The following RIMS1 variants were observed in gnomAD, a reference collection of about 807,000 sequenced individuals.
The protein encoded by RIMS1 is regulating synaptic membrane exocytosis 1, also known as regulating synaptic membrane exocytosis protein 1.
Under a neutral mutation model 214.1 loss-of-function variants are expected in RIMS1, and 83 were observed. The observed-to-expected ratio is 0.39, with a 90% CI of 0.32 to 0.47. The LOEUF (loss-of-function observed/expected upper bound fraction) is 0.47, where lower values mean the gene tolerates loss of function less well. Ranked by LOEUF, RIMS1 falls within the 20% of genes least tolerant of loss-of-function variation. The pLI is 0.99. For synonymous variants in RIMS1, 793 were observed against 786.8 expected (o/e 1.01, Z -0.13); for missense variants, 2,050 against 2,161.8 (o/e 0.95, Z 1.03).
chr6:71,964,517 A>T (rs1793887647), intron 1 of RIMS1, among the ~76,000 whole-genome samples: 1 of 152,216 alleles, frequency 6.6e-6, no homozygotes, highest in East Asian at 1.9e-4. Flanking sequence ...GGGGCTGATA[A>T]GTGGTCAAAT....
intron 2 of RIMS1, among the ~76,000 whole-genome samples, chr6:72,071,950 G>A (rs2152305829): frequency 6.6e-6 from 1 of 152,290 alleles, no homozygotes; most frequent in East Asian, 1.9e-4. Context: ...AAAAGGGTTA[G>A]GTTTATTCTG....
intron 1 of RIMS1, among the ~76,000 whole-genome samples, chr6:71,962,507 C>T (rs1793246247): frequency 6.6e-6 from 1 of 152,146 alleles, no homozygotes; most frequent in Non-Finnish European, 1.5e-5. Flanking sequence ...GGTGGTGTAA[C>T]AGGACCTGAT....
chr6:72,034,617 A>G (rs377084593), intron 2 of RIMS1, among the ~76,000 whole-genome samples: 5 of 152,004 alleles, frequency 3.3e-5, no homozygotes, highest in East Asian at 1.9e-4. Context: ...GCTATTATCA[A>G]GCAGATAGAA....
At chr6:72,264,685 A>T (rs566359138) in intron 19 of RIMS1, among the ~76,000 whole-genome samples, 9 of 152,310 alleles carry the variant, frequency 5.9e-5, no homozygotes, top group African/African-American at 2.2e-4. Flanking sequence ...ATTAAGTAGC[A>T]CATTTACATA....
intron 3 of RIMS1, 33 bp from the exon 4 acceptor site, chr6:72,099,942 C>T: frequency 1.3e-6 from 2 of 1,589,050 alleles, no homozygotes; most frequent in Non-Finnish European, 1.7e-6. Context: ...TGTCTTCTTT[C>T]TCTACTCTGC....
chr6:72,354,382 A>AT (rs975386590), intron 29 of RIMS1, among the ~76,000 whole-genome samples: 10 of 151,944 alleles, frequency 6.6e-5, no homozygotes, highest in African/African-American at 2.2e-4. Flanking sequence ...ACTAAGCCCA[A>AT]TTTTTTTTAA....
intron 3 of RIMS1, among the ~76,000 whole-genome samples, chr6:72,098,496 T>C (rs907460884): frequency 7.2e-5 from 11 of 152,158 alleles, no homozygotes; most frequent in East Asian, 5.8e-4. Flanking sequence ...GGTTTCACCA[T>C]GTTGACCAGG....
chr6:72,301,646 G>A (rs928901523), intron 26 of RIMS1, among the ~76,000 whole-genome samples: 9 of 151,478 alleles, frequency 5.9e-5, no homozygotes, highest in African/African-American at 1.7e-4. Context: ...GATAGATTTA[G>A]AAAAATGCAT....
At chr6:72,278,699 T>C (rs913645212) in intron 23 of RIMS1, among the ~76,000 whole-genome samples, 1 of 152,106 alleles carries the variant, frequency 6.6e-6, no homozygotes, top group Non-Finnish European at 1.5e-5. Context: ...TGAACTAAAA[T>C]ATGGTGAGTC....
intron 4 of RIMS1, among the ~76,000 whole-genome samples, chr6:72,152,003 C>T (rs1367102984): frequency 2.0e-5 from 3 of 152,088 alleles, no homozygotes; most frequent in African/African-American, 7.2e-5. Flanking sequence ...TAAGAGAGCT[C>T]TCCCATGAAC....
intron 29 of RIMS1, among the ~76,000 whole-genome samples, chr6:72,363,019 A>T (rs947246061): frequency 1.3e-5 from 2 of 152,176 alleles, no homozygotes; most frequent in Non-Finnish European, 2.9e-5. Flanking sequence ...CAGAAACAGG[A>T]TGGTCATCTC....
chr6:72,246,898 A>G (rs1212190654), intron 11 of RIMS1, among the ~76,000 whole-genome samples: 1 of 152,240 alleles, frequency 6.6e-6, no homozygotes, highest in Non-Finnish European at 1.5e-5. Context: ...GAAAAGACAC[A>G]TAGTAACAAT....
chr6:72,271,370 G>A (rs1478826052), intron 22 of RIMS1, among the ~76,000 whole-genome samples: 2 of 146,436 alleles, frequency 1.4e-5, no homozygotes, highest in African/African-American at 5.0e-5. Flanking sequence ...AAATTTTAAG[G>A]ACTAAAGTTA....
chr6:71,954,879 A>ACG, intron 1 of RIMS1, among the ~76,000 whole-genome samples: 1 of 151,416 alleles, frequency 6.6e-6, no homozygotes, highest in East Asian at 1.9e-4. Flanking sequence ...CTCCACACAC[A>ACG]CACACACACA....
chr6:72,348,358 C>T (rs764754218), intron 29 of RIMS1, among the ~76,000 whole-genome samples: 5 of 151,808 alleles, frequency 3.3e-5, no homozygotes, highest in Non-Finnish European at 5.9e-5. Flanking sequence ...ACATGGTGGT[C>T]ATCCTGGAGT....
Position 72,182,769 on chromosome 6 carries a change from C to G in RIMS1, c.1298C>G (p.Thr433Ser). The G allele has an allele frequency of 1.3e-6, 2 of 1,544,764 alleles. No homozygotes were observed. Among genetic ancestry groups the G allele is most frequent in the Admixed American group, 3.9e-5 (2 of 51,264 alleles). Residue 433 changes from threonine (T) to serine (S), a missense_variant, in exon 6 of 34, where the codon ACT (threonine) becomes AGT (serine). Physicochemically the swap from Thr to Ser is moderately conservative, Grantham distance 58. Coordinates refer to ENST00000521978, the MANE Select transcript of RIMS1 (RefSeq NM_014989.7). Reference protein sequence around the residue: ...DSPRAYSAERTAETRAPGAKQ... With the variant: ...DSPRAYSAERSAETRAPGAKQ... The stretch of plus-strand genomic sequence containing the variant: ...CCGCGGGCTTACTCGGCTGAGAGAA[C>G]TGCGGAGACCAGGGCGCCGGGCGCC...
At chr6:72,152,811 A>G (rs1007227643) in intron 4 of RIMS1, among the ~76,000 whole-genome samples, 3 of 81,238 alleles carry the variant, frequency 3.7e-5, no homozygotes, top group Non-Finnish European at 4.3e-5. Flanking sequence ...ATATATATGT[A>G]TATATATGGA....
chr6:72,310,796 A>G (rs543455475), intron 27 of RIMS1, among the ~76,000 whole-genome samples: 10 of 152,178 alleles, frequency 6.6e-5, no homozygotes, highest in Non-Finnish European at 1.5e-4. Flanking sequence ...TTAACATATT[A>G]GTTAAAAGTG....
At chr6:72,118,821 C>T (rs1326860866) in intron 4 of RIMS1, among the ~76,000 whole-genome samples, 2 of 151,392 alleles carry the variant, frequency 1.3e-5, no homozygotes, top group African/African-American at 2.4e-5. Context: ...AAGGTACCTA[C>T]TTCAAAGTAA....
Sources: gnomAD v4.1 joint callset for allele counts (sites outside exome capture counted in the v4.1 genomes callset) on GRCh38, gnomAD v4.1.1 for gene constraint, MANE v1.5 for transcripts, NCBI Gene and HGNC (gene_info 2026-07-23, HGNC 2026-07-21) for gene names.